PRIM2: variants seen among roughly 807,000 people sequenced by gnomAD.
PRIM2 encodes DNA primase subunit 2, also known as DNA primase large subunit.
A neutral mutation model predicts 67.3 loss-of-function variants in PRIM2; 39 were observed. The ratio of observed to expected loss-of-function variants is 0.58; its 90% CI spans 0.45 to 0.76. The LOEUF (loss-of-function observed/expected upper bound fraction) is 0.76, where lower values mean the gene tolerates loss of function less well. PRIM2 is among the 30% of genes least tolerant of loss of function. The probability of loss-of-function intolerance (pLI) is 0.00; values close to 1 mark genes in which losing one functional copy is unlikely to be tolerated. For missense variants in PRIM2, 398 were observed against 598.7 expected, an observed-to-expected ratio of 0.66 and a Z score of 3.50; for synonymous variants, 143 against 198.7, an observed-to-expected ratio of 0.72 and a Z score of 2.36.
chr6:57,295,112 A>G, the PRIM2 span, among the ~76,000 whole-genome samples: 8 of 152,294 alleles, frequency 5.3e-5, 1 homozygote, highest in African/African-American at 1.9e-4. Flanking sequence ...CATTTTTGAT[A>G]CCAACTTTAT....
rs578012942 is a variant in PRIM2 at position 57,413,821 on chromosome 6, T to A, written c.693+31653T>A. Among the ~76,000 whole-genome samples the A allele has an allele frequency of 2.5e-4, 38 of 152,282 alleles. No individual in the cohort carries two copies. In the East Asian group the frequency reaches 6.9e-3, roughly 28 times the overall value. ...CATTATAGTAGACATGTGATTTGAC[T>A]GTGTATCTTGGGATTTATGTATTTA... On this transcript the variant is annotated intron_variant, in intron 7 of 13. Transcript: ENST00000615550.
At chr6:57,423,269 A>C (rs1771520604) in intron 7 of PRIM2, among the ~76,000 whole-genome samples, 2 of 152,158 alleles carry the variant, frequency 1.3e-5, no homozygotes, top group South Asian at 4.1e-4. Flanking sequence ...AGACGTTTGC[A>C]TGCTTTCACA....
intron 6 of PRIM2, among the ~76,000 whole-genome samples, 194 bp downstream of exon 6, chr6:57,380,190 C>T (rs941127206): frequency 9.9e-5 from 15 of 152,280 alleles, no homozygotes; most frequent in African/African-American, 3.6e-4. Flanking sequence ...CGGACGCATT[C>T]CCAACCCTGC....
At chr6:57,360,990 G>C (rs1769179497) in intron 5 of PRIM2, among the ~76,000 whole-genome samples, 2 of 152,110 alleles carry the variant, frequency 1.3e-5, no homozygotes. Flanking sequence ...GCCACATTTA[G>C]GTAGGGTAGG....
intron 7 of PRIM2, among the ~76,000 whole-genome samples, chr6:57,415,758 C>T (rs1771240387): frequency 6.6e-6 from 1 of 152,224 alleles, no homozygotes; most frequent in Admixed American, 6.5e-5. Flanking sequence ...TTCATAGCAT[C>T]TTCACCAGGA....
intron 10 of PRIM2, among the ~76,000 whole-genome samples, chr6:57,586,386 T>C (rs1298974049): frequency 0.012 from 1,827 of 152,124 alleles, 21 homozygotes; most frequent in Non-Finnish European, 0.02. Flanking sequence ...AGAGGGGAAG[T>C]GGGGACATTT....
At chr6:57,407,222 G>A (rs1411470635) in intron 7 of PRIM2, among the ~76,000 whole-genome samples, 5 of 151,984 alleles carry the variant, frequency 3.3e-5, no homozygotes, top group Non-Finnish European at 5.9e-5. Flanking sequence ...GGATTTTGGC[G>A]GGGCAACTAT....
chr6:57,441,677 A>G (rs888456939), intron 7 of PRIM2, among the ~76,000 whole-genome samples: 59 of 152,230 alleles, frequency 3.9e-4, no homozygotes, highest in African/African-American at 1.4e-3. Context: ...AAAGTTAGGC[A>G]TACACAAGCA....
At chr6:57,302,800 C>A in the PRIM2 span, among the ~76,000 whole-genome samples, 1 of 152,146 alleles carries the variant, frequency 6.6e-6, no homozygotes, top group Non-Finnish European at 1.5e-5. Context: ...ACTGTTGAAG[C>A]AGAAAGTAAT....
the PRIM2 span, among the ~76,000 whole-genome samples, chr6:57,301,627 C>T: frequency 2.6e-5 from 4 of 152,164 alleles, no homozygotes; most frequent in Non-Finnish European, 5.9e-5. Flanking sequence ...CATGGTGAAA[C>T]CCCATCTCTA....
intron 5 of PRIM2, among the ~76,000 whole-genome samples, chr6:57,350,781 G>A (rs926035686): frequency 2.6e-5 from 4 of 152,008 alleles, no homozygotes; most frequent in African/African-American, 7.2e-5. Context: ...TCTAACCACA[G>A]TATAACCTTT....
the PRIM2 span, among the ~76,000 whole-genome samples, chr6:57,282,448 G>A: frequency 6.6e-6 from 1 of 152,028 alleles, no homozygotes; most frequent in Non-Finnish European, 1.5e-5. Flanking sequence ...TACTTTCATT[G>A]CTAATTCCAA....
At position 57,388,894 on chromosome 6, in the gene PRIM2, G is replaced by A. The variant is rs561824776; in HGVS notation, c.693+6726G>A. Reference sequence around the variant, plus strand: ...AAATTTTTGGGGAGGAGAATGTGCAGCCATGAGACTCCAGGAAGAGTGTGG... The same window carrying A: ...AAATTTTTGGGGAGGAGAATGTGCAACCATGAGACTCCAGGAAGAGTGTGG... On this transcript the variant is annotated intron_variant, in intron 7 of 13. Coordinates refer to ENST00000615550, the MANE Select transcript of PRIM2 (RefSeq NM_000947.5). 1.9e-3 allele frequency among the ~76,000 whole-genome samples: 293 copies of A among 152,278 alleles called. 1 individual carries two copies. Among genetic ancestry groups the A allele is most frequent in the African/African-American group, 6.8e-3 (283 of 41,550 alleles).
chr6:57,447,638 T>C (rs1177878105), intron 7 of PRIM2, among the ~76,000 whole-genome samples: 2 of 152,194 alleles, frequency 1.3e-5, no homozygotes, highest in African/African-American at 4.8e-5. Context: ...TAGGGTAAGA[T>C]ACCGTAATAG....
chr6:57,617,528 A>G (rs1386715024), intron 12 of PRIM2, among the ~76,000 whole-genome samples: 6 of 152,204 alleles, frequency 3.9e-5, no homozygotes, highest in African/African-American at 1.4e-4. Context: ...GCATCTTTTT[A>G]TATGCTTTTT....
At chr6:57,569,209 G>A (rs1775813134) in intron 10 of PRIM2, among the ~76,000 whole-genome samples, 2 of 152,312 alleles carry the variant, frequency 1.3e-5, no homozygotes, top group African/African-American at 4.8e-5. Flanking sequence ...CTTGGGAGGA[G>A]CGGGGATAAT....
chr6:57,566,120 GTTTA>G (rs1196495860), intron 10 of PRIM2, among the ~76,000 whole-genome samples: 2 of 145,662 alleles, frequency 1.4e-5, no homozygotes, highest in Non-Finnish European at 3.0e-5. Context: ...CACATTTTGG[GTTTA>G]TTTGTTTGCT....
At chr6:57,381,062 G>T (rs1260419977) in intron 6 of PRIM2, among the ~76,000 whole-genome samples, 1 of 151,922 alleles carries the variant, frequency 6.6e-6, no homozygotes, top group Non-Finnish European at 1.5e-5. Context: ...CCTCTTACCT[G>T]CTCATCTGAT....
intron 7 of PRIM2, among the ~76,000 whole-genome samples, chr6:57,498,947 A>G (rs1362727537): frequency 1.3e-5 from 2 of 152,176 alleles, no homozygotes; most frequent in Non-Finnish European, 2.9e-5. Context: ...CATGAAAAAT[A>G]TGTTCTTCCT....
Sources: allele counts gnomAD v4.1 joint callset (sites outside exome capture counted in the v4.1 genomes callset), GRCh38; gene constraint gnomAD v4.1.1; transcripts MANE v1.5; gene names NCBI Gene and HGNC (gene_info 2026-07-23, HGNC 2026-07-21).